RIF1: variants seen among roughly 807,000 people sequenced by gnomAD.
The protein encoded by RIF1 is telomere-associated protein RIF1.
A neutral mutation model predicts 247.1 loss-of-function variants in RIF1; 45 were observed. The ratio of observed to expected loss-of-function variants is 0.18; its 90% CI spans 0.14 to 0.23. The LOEUF is 0.23. Among genes scored for constraint, RIF1 ranks in the 10% least tolerant of loss-of-function variants. The pLI, the probability that RIF1 is intolerant of heterozygous loss-of-function variation, is 1.00. For missense variants in RIF1, 2,967 were observed against 2,862.5 expected (o/e 1.04, Z -0.83); for synonymous variants, 1,087 against 978.8 (o/e 1.11, Z -2.06).
intron 9 of RIF1, among the ~76,000 whole-genome samples, chr2:151,430,444 C>T (rs936160132): frequency 1.3e-5 from 2 of 152,038 alleles, no homozygotes; most frequent in Non-Finnish European, 2.9e-5. Context: ...GCCTCAGCCT[C>T]CCAAGTAGCT....
Position 151,409,961 on chromosome 2 carries a change from G to A in RIF1, c.-83G>A, listed in dbSNP as rs1294193019. 8.5e-6 allele frequency: 6 copies of A among 701,884 alleles called. No homozygotes were observed. Among genetic ancestry groups the A allele is most frequent in the Non-Finnish European group, 1.6e-5 (6 of 384,622 alleles). 43.5% of individuals were successfully genotyped at this position (701,884 alleles called of 1,614,324 possible). A position where few individuals can be genotyped will look rare whatever the true frequency, so the allele number is the denominator to read the frequency against. ...ACGCGTGAGTAAACAGCCGGAGCTGGGAAAGTCGAGCTCTGGCAGCGTCTG... is the reference window on the plus strand; with the variant it reads ...ACGCGTGAGTAAACAGCCGGAGCTGAGAAAGTCGAGCTCTGGCAGCGTCTG... On this transcript the variant is annotated 5_prime_UTR_variant, in exon 1 of 36. Coordinates refer to ENST00000444746, the MANE Select transcript of RIF1 (RefSeq NM_018151.5).
chr2:151,521,005 T>C, the RIF1 span, among the ~76,000 whole-genome samples: 1 of 152,230 alleles, frequency 6.6e-6, no homozygotes, highest in East Asian at 1.9e-4. Context: ...CTACTAGTTA[T>C]TCACTCTAGG....
intron 18 of RIF1, among the ~76,000 whole-genome samples, chr2:151,445,001 C>T (rs1268152402): frequency 2.0e-5 from 3 of 152,098 alleles, no homozygotes; most frequent in Non-Finnish European, 2.9e-5. Context: ...GCTGGCAATC[C>T]TTGACCTTCC....
At chr2:151,458,254 A>C (rs901286033) in intron 24 of RIF1, among the ~76,000 whole-genome samples, 3 of 109,886 alleles carry the variant, frequency 2.7e-5, no homozygotes, top group African/African-American at 6.6e-5. Context: ...TTTTTTTGAG[A>C]TAGAGTCTCA....
downstream of RIF1, among the ~76,000 whole-genome samples, chr2:151,487,134 C>G (rs568389927): frequency 8.5e-5 from 13 of 152,070 alleles, no homozygotes; most frequent in Non-Finnish European, 1.9e-4. Context: ...TTCTACCTTT[C>G]GAAGAGGTCA....
At chr2:151,414,001 A>G (rs1181418061) in intron 3 of RIF1, among the ~76,000 whole-genome samples, 1 of 152,170 alleles carries the variant, frequency 6.6e-6, no homozygotes, top group Non-Finnish European at 1.5e-5. Flanking sequence ...CATAAATGGT[A>G]TGAGTTGGGC....
chr2:151,454,295 A>G (rs1381055117), intron 21 of RIF1, among the ~76,000 whole-genome samples: 1 of 152,182 alleles, frequency 6.6e-6, no homozygotes, highest in East Asian at 1.9e-4. Flanking sequence ...TTCTAGGTAG[A>G]TGTTTACAGA....
intron 9 of RIF1, chr2:151,491,781 A>G: frequency 6.4e-7 from 1 of 1,573,596 alleles, no homozygotes; most frequent in Non-Finnish European, 8.6e-7. Flanking sequence ...TAAACCTGAA[A>G]GGGAAACCAG....
intron 10 of RIF1, among the ~76,000 whole-genome samples, chr2:151,498,981 C>G (rs1220740066): frequency 6.6e-6 from 1 of 151,892 alleles, no homozygotes; most frequent in Non-Finnish European, 1.5e-5. Flanking sequence ...CGGATCTTTG[C>G]AAAATACATT....
chr2:151,450,829 C>A (rs1011599732), intron 20 of RIF1, among the ~76,000 whole-genome samples: 3 of 152,144 alleles, frequency 2.0e-5, no homozygotes, highest in Non-Finnish European at 4.4e-5. Flanking sequence ...GGTGATCCAC[C>A]CACCTCAGCC....
the RIF1 span, among the ~76,000 whole-genome samples, chr2:151,528,866 G>A: frequency 6.6e-6 from 1 of 152,182 alleles, no homozygotes; most frequent in Admixed American, 6.5e-5. Context: ...TGAGGCAGGA[G>A]GAGAGCACAG....
intron 8 of RIF1, among the ~76,000 whole-genome samples, chr2:151,427,303 C>G (rs556360514): frequency 1.3e-5 from 2 of 151,804 alleles, no homozygotes; most frequent in South Asian, 4.2e-4. Flanking sequence ...CTCGGCCTCT[C>G]AGGTTCAAGT....
intron 34 of RIF1, 25 bp downstream of exon 34, chr2:151,469,889 A>C (rs370836380): frequency 2.5e-5 from 38 of 1,526,830 alleles, no homozygotes; most frequent in Middle Eastern, 1.8e-4. Flanking sequence ...ATTAGCTATG[A>C]TGTATATTAA....
chr2:151,505,604 A>G, intron 12 of RIF1: 1 of 1,516,676 alleles, frequency 6.6e-7, no homozygotes, highest in Non-Finnish European at 9.2e-7. Context: ...GAAAGGTATT[A>G]TTACATGCTG....
At chr2:151,450,937 C>T (rs1694207213) in intron 20 of RIF1, among the ~76,000 whole-genome samples, 1 of 152,136 alleles carries the variant, frequency 6.6e-6, no homozygotes, top group Non-Finnish European at 1.5e-5. Flanking sequence ...ACTTTTACTT[C>T]ATAATTTTCA....
chr2:151,429,834 CTG>C (rs1311714650), intron 9 of RIF1, among the ~76,000 whole-genome samples: 1 of 152,270 alleles, frequency 6.6e-6, no homozygotes, highest in African/African-American at 2.4e-5. Flanking sequence ...TAGCCCAAAA[CTG>C]TGTTAGTATG....
chr2:151,438,194 A>G (rs1691598386), intron 13 of RIF1, among the ~76,000 whole-genome samples: 1 of 152,210 alleles, frequency 6.6e-6, no homozygotes. Context: ...GAACACATTT[A>G]TGGCTGGACA....
chr2:151,475,071 G>A lies in RIF1; in HGVS notation c.7419G>A (p.Ter2473=). The A allele has an allele frequency of 1.3e-6, 2 of 1,597,646 alleles. No homozygotes were observed. Among genetic ancestry groups the A allele is most frequent in the Non-Finnish European group, 1.7e-6 (2 of 1,166,044 alleles). The change falls in exon 36 of 36, where the codon TAG becomes TAA. Residue 2473 remains the stop codon, a stop_retained_variant. Coordinates refer to ENST00000444746, the MANE Select transcript of RIF1 (RefSeq NM_018151.5). ...CACCATCCCATGAAAATTCTATTTA[G>A]TATTTTCAGAGAAAATTGAAGGTTT... is the stretch of plus-strand genomic sequence containing the variant. ...WRSPSHENSI[*]
chr2:151,505,949 T>A lies in RIF1; in HGVS notation c.*862-261T>A. 7 of 587,254 alleles carry A rather than the reference T, an allele frequency of 1.2e-5. No homozygotes were observed. In the South Asian group the frequency reaches 1.3e-4, roughly 11 times the overall value. 36.4% of individuals were successfully genotyped at this position (587,254 alleles called of 1,614,324 possible). A position where few individuals can be genotyped will look rare whatever the true frequency, so the allele number is the denominator to read the frequency against. On this transcript the variant is annotated intron_variant and NMD_transcript_variant, in intron 12 of 13. Coordinates refer to the RIF1 transcript ENST00000454583. ...CGGATTCTACCTTCTCACAAGCCTC[T>A]CTGTTTTTCAGATCTAATCTCTCCC...
Sources: gnomAD v4.1 joint callset for allele counts (sites outside exome capture counted in the v4.1 genomes callset) on GRCh38, gnomAD v4.1.1 for gene constraint, MANE v1.5 for transcripts, NCBI Gene and HGNC (gene_info 2026-07-23, HGNC 2026-07-21) for gene names.